GSE1: variants seen among roughly 807,000 people sequenced by gnomAD.
The protein encoded by GSE1 is Gse1 coiled-coil protein.
GSE1 carries 32 observed loss-of-function variants against 112.6 expected under a neutral mutation model. That is an observed-to-expected ratio of 0.28 (90% confidence interval 0.21 to 0.38). The LOEUF (loss-of-function observed/expected upper bound fraction) is 0.38, where lower values mean the gene tolerates loss of function less well. GSE1 is among the 10% of genes least tolerant of loss of function. The pLI is 1.00. For synonymous variants in GSE1, 1,115 were observed against 735.6 expected, an observed-to-expected ratio of 1.52 and a Z score of -8.35; for missense variants, 2,348 against 1,699.2, an observed-to-expected ratio of 1.38 and a Z score of -6.71.
At chr16:85,302,683 G>T (rs2045560829) in intron 1 of GSE1, among the ~76,000 whole-genome samples, 1 of 152,190 alleles carries the variant, frequency 6.6e-6, no homozygotes, top group Non-Finnish European at 1.5e-5. Context: ...ATTGGGCCCA[G>T]GAATCTGCAT....
rs1491091380 is a variant in GSE1 at position 85,388,378 on chromosome 16, G to GGGTA, written c.2464+30736_2464+30737insGTAG. Among the ~76,000 whole-genome samples, 479 of 92,930 alleles carry GGGTA rather than the reference G, an allele frequency of 5.2e-3. 71 individuals are homozygous for GGGTA. Among genetic ancestry groups the GGGTA allele is most frequent in the African/African-American group, 8.3e-3 (181 of 21,688 alleles). The allele number at this position is 92,930 out of a possible 152,430, so 61.0% of individuals were successfully genotyped here. On this transcript the variant is annotated intron_variant, in intron 2 of 2. Transcript: ENST00000637419. ...TGGGTGAGTGGATGGGCGGGTGGGTGGATGGATGGATGGATGGATGGATGG... is the reference window on the plus strand; with the variant it reads ...TGGGTGAGTGGATGGGCGGGTGGGTGGGTAGATGGATGGATGGATGGATGGATGG...
At chr16:85,393,229 A>G (rs1332645675) in intron 2 of GSE1, among the ~76,000 whole-genome samples, 1 of 152,208 alleles carries the variant, frequency 6.6e-6, no homozygotes, top group East Asian at 1.9e-4. Context: ...TGATTACGCC[A>G]CTTCACTCCA....
exon 1 of GSE1, chr16:85,170,250 C>T: frequency 4.1e-6 from 4 of 985,570 alleles, no homozygotes; most frequent in Non-Finnish European, 4.8e-6. Context: ...CCGCGAAGGC[C>T]CACGCGGATG....
intron 2 of GSE1, among the ~76,000 whole-genome samples, chr16:85,423,830 C>G (rs2048907212): frequency 6.6e-6 from 1 of 152,278 alleles, no homozygotes; most frequent in Non-Finnish European, 1.5e-5. Context: ...GTCCTGGCCT[C>G]TGCCGCTCAC....
intron 1 of GSE1, among the ~76,000 whole-genome samples, chr16:85,222,899 A>T (rs1044249116): frequency 6.6e-6 from 1 of 152,142 alleles, no homozygotes; most frequent in Non-Finnish European, 1.5e-5. Context: ...TTACCATTTT[A>T]GTTTTGCATG....
chr16:85,327,816 G>C (rs909355696), intron 1 of GSE1, among the ~76,000 whole-genome samples: 1 of 152,142 alleles, frequency 6.6e-6, no homozygotes, highest in Non-Finnish European at 1.5e-5. Flanking sequence ...CTGAGGTCCC[G>C]GGGGGAGAGT....
intron 2 of GSE1, among the ~76,000 whole-genome samples, chr16:85,515,535 G>A (rs1054484010): frequency 6.6e-6 from 1 of 152,124 alleles, no homozygotes; most frequent in Non-Finnish European, 1.5e-5. Flanking sequence ...AGGGCCAGAG[G>A]CTGGTCTTAG....
At chr16:85,629,729 C>T (rs762288133) in intron 1 of GSE1, among the ~76,000 whole-genome samples, 2 of 152,200 alleles carry the variant, frequency 1.3e-5, no homozygotes, top group Non-Finnish European at 2.9e-5. Flanking sequence ...TGGTCTCTGG[C>T]ATCGAAGGGA....
intron 1 of GSE1, among the ~76,000 whole-genome samples, chr16:85,353,329 G>A (rs920937105): frequency 6.6e-6 from 1 of 152,324 alleles, no homozygotes; most frequent in African/African-American, 2.4e-5. Flanking sequence ...GTTCGTGTGC[G>A]GATGGCTGGA....
chr16:85,648,873 C>G, intron 3 of GSE1, 122 bp downstream of exon 3: 1 of 549,884 alleles, frequency 1.8e-6, no homozygotes, highest in Non-Finnish European at 3.1e-6. Flanking sequence ...CTCCCCCACC[C>G]TGAGTTTCCG....
intron 2 of GSE1, among the ~76,000 whole-genome samples, chr16:85,461,381 T>A (rs772565443): frequency 6.6e-6 from 1 of 152,178 alleles, no homozygotes; most frequent in Non-Finnish European, 1.5e-5. Flanking sequence ...TGAGAGCCAC[T>A]GGTTTGGAAC....
chr16:85,222,978 C>G (rs1377544317), intron 1 of GSE1, among the ~76,000 whole-genome samples: 1 of 152,174 alleles, frequency 6.6e-6, no homozygotes, highest in Non-Finnish European at 1.5e-5. Context: ...CAGAGTTCTT[C>G]AGAATTTCAT....
intron 1 of GSE1, among the ~76,000 whole-genome samples, chr16:85,334,157 T>A (rs894217087): frequency 6.6e-6 from 1 of 152,166 alleles, no homozygotes; most frequent in Non-Finnish European, 1.5e-5. Flanking sequence ...GTCCCACACA[T>A]GATGCTGTGT....
rs1403318111 is a variant in GSE1, at chr16:85,673,217, CTG to C, written c.*682_*683del. 2 of 152,502 alleles carry C rather than the reference CTG, an allele frequency of 1.3e-5. No individual in the cohort carries two copies. Among genetic ancestry groups the C allele is most frequent in the African/African-American group, 4.8e-5 (2 of 41,400 alleles). 9.4% of individuals were successfully genotyped at this position (152,502 alleles called of 1,614,324 possible). A position where few individuals can be genotyped will look rare whatever the true frequency, so the allele number is the denominator to read the frequency against. ...CTCCGTGGGGAGCATGTACAGAGCT[CTG>C]TGTATACACAGCTTCACACCCACCA... is the stretch of plus-strand genomic sequence containing the variant. On this transcript the variant is annotated 3_prime_UTR_variant, in exon 16 of 16. Transcript: ENST00000253458.
intron 1 of GSE1, among the ~76,000 whole-genome samples, chr16:85,333,248 C>T (rs1358710927): frequency 6.6e-6 from 1 of 152,146 alleles, no homozygotes; most frequent in Non-Finnish European, 1.5e-5. Context: ...GAAGCCTCAC[C>T]CTGGCTCTGA....
At chr16:85,512,957 C>G (rs1567550037) in intron 2 of GSE1, among the ~76,000 whole-genome samples, 1 of 152,190 alleles carries the variant, frequency 6.6e-6, no homozygotes, top group Admixed American at 6.5e-5. Context: ...GCCCACCACA[C>G]TTTATCTGAC....
chr16:85,339,918 GTGCCAAGAAC>G (rs2046588584), intron 1 of GSE1, among the ~76,000 whole-genome samples: 3 of 152,130 alleles, frequency 2.0e-5, no homozygotes, highest in African/African-American at 4.8e-5. Flanking sequence ...CAAGTCCTCA[GTGCCAAGAAC>G]GGTGCTTGGC....
chr16:85,464,466 G>T (rs1279774227), intron 2 of GSE1, among the ~76,000 whole-genome samples: 1 of 152,200 alleles, frequency 6.6e-6, no homozygotes, highest in Admixed American at 6.5e-5. Flanking sequence ...TCCTCTGATC[G>T]CCCTTCCTCC....
chr16:85,199,937 C>T (rs1228620187), intron 1 of GSE1, among the ~76,000 whole-genome samples: 1 of 152,018 alleles, frequency 6.6e-6, no homozygotes, highest in African/African-American at 2.4e-5. Flanking sequence ...ATGTGGAGGA[C>T]GAGGGGGACA....
Sources: allele counts gnomAD v4.1 joint callset (sites outside exome capture counted in the v4.1 genomes callset), GRCh38; gene constraint gnomAD v4.1.1; transcripts MANE v1.5; gene names NCBI Gene and HGNC (gene_info 2026-07-23, HGNC 2026-07-21).